Variants in ME1 observed in about 807,000 individuals in gnomAD.
The protein encoded by ME1 is NADP-dependent malic enzyme.
ME1 carries 74 observed loss-of-function variants against 66.4 expected under a neutral mutation model. The ratio of observed to expected loss-of-function variants is 1.11; its 90% CI spans 0.92 to 1.35. ME1 has a LOEUF of 1.35. ME1 is among the 40% of genes most tolerant of loss of function. The probability of loss-of-function intolerance (pLI) is 0.00; values close to 1 mark genes in which losing one functional copy is unlikely to be tolerated. For missense variants in ME1, 750 were observed against 694.1 expected (o/e 1.08, Z -0.90); for synonymous variants, 251 against 235.6 (o/e 1.07, Z -0.60).
At chr6:83,418,697 C>T (rs1241415464) in intron 1 of ME1, among the ~76,000 whole-genome samples, 1 of 152,164 alleles carries the variant, frequency 6.6e-6, no homozygotes, top group Non-Finnish European at 1.5e-5. Context: ...ACAGGAACTA[C>T]CCCAACGAAA....
At chr6:83,390,362 A>C (rs1220304603) in intron 3 of ME1, among the ~76,000 whole-genome samples, 1 of 152,166 alleles carries the variant, frequency 6.6e-6, no homozygotes, top group East Asian at 1.9e-4. Context: ...GAATGTCTTA[A>C]AATACCTGCT....
chr6:83,286,831 G>A (rs1240279785), intron 6 of ME1, among the ~76,000 whole-genome samples: 2 of 152,060 alleles, frequency 1.3e-5, no homozygotes, highest in African/African-American at 4.8e-5. Context: ...AGTACTCTAT[G>A]ACTATAAATA....
intron 3 of ME1, among the ~76,000 whole-genome samples, chr6:83,389,785 A>T (rs1769583965): frequency 6.6e-6 from 1 of 152,102 alleles, no homozygotes; most frequent in East Asian, 1.9e-4. Flanking sequence ...GCAAAAATAA[A>T]AAAAAAAATT....
chr6:83,414,126 A>T (rs945797407), intron 1 of ME1, among the ~76,000 whole-genome samples: 11 of 78,742 alleles, frequency 1.4e-4, no homozygotes, highest in African/African-American at 2.9e-4. Flanking sequence ...AAAAAAAAAA[A>T]AAAAACTAAA....
chr6:83,233,528 T>C (rs900412021), intron 9 of ME1, among the ~76,000 whole-genome samples: 1 of 151,992 alleles, frequency 6.6e-6, no homozygotes, highest in African/African-American at 2.4e-5. Context: ...ATGTTGAAAG[T>C]TGAAAGAGAA....
chr6:83,341,275 C>T (rs1252550918), intron 5 of ME1, among the ~76,000 whole-genome samples: 1 of 152,172 alleles, frequency 6.6e-6, no homozygotes, highest in Non-Finnish European at 1.5e-5. Context: ...ATTTGGGACT[C>T]TTCTAGACTC....
intron 11 of ME1, among the ~76,000 whole-genome samples, chr6:83,225,536 G>A (rs1400423755): frequency 6.6e-6 from 1 of 151,848 alleles, no homozygotes; most frequent in Non-Finnish European, 1.5e-5. Flanking sequence ...ATACCTTTTA[G>A]TTGTTCTTAA....
At chr6:83,326,498 T>C (rs1172704541) in intron 5 of ME1, among the ~76,000 whole-genome samples, 1 of 151,092 alleles carries the variant, frequency 6.6e-6, no homozygotes, top group Non-Finnish European at 1.5e-5. Context: ...CATCTGACAA[T>C]GGGCTAATAT....
At chr6:83,398,781 C>T (rs999654780) in intron 2 of ME1, among the ~76,000 whole-genome samples, 1 of 152,116 alleles carries the variant, frequency 6.6e-6, no homozygotes, top group African/African-American at 2.4e-5. Flanking sequence ...ACCAGCCTGG[C>T]CAACATGGTG....
At chr6:83,316,758 T>C (rs1768039678) in intron 5 of ME1, among the ~76,000 whole-genome samples, 1 of 152,036 alleles carries the variant, frequency 6.6e-6, no homozygotes, top group Non-Finnish European at 1.5e-5. Context: ...CACAAATCAA[T>C]TTTACCTCTA....
intron 3 of ME1, among the ~76,000 whole-genome samples, chr6:83,363,678 G>T (rs1044524018): frequency 1.2e-4 from 19 of 152,214 alleles, no homozygotes; most frequent in African/African-American, 4.6e-4. Flanking sequence ...ATGACCAGTT[G>T]CAGAAAGGAG....
At chr6:83,417,861 A>G (rs1770192495) in intron 1 of ME1, among the ~76,000 whole-genome samples, 1 of 152,238 alleles carries the variant, frequency 6.6e-6, no homozygotes, top group Admixed American at 6.5e-5. Context: ...ATATTTGTTA[A>G]TATTTTGATA....
At chr6:83,426,858 T>C (rs1427658481) in intron 1 of ME1, among the ~76,000 whole-genome samples, 1 of 152,218 alleles carries the variant, frequency 6.6e-6, no homozygotes, top group Admixed American at 6.5e-5. Flanking sequence ...ACTCTTAAGA[T>C]ATAGAAACCA....
intron 3 of ME1, among the ~76,000 whole-genome samples, chr6:83,363,258 A>C (rs1449386946): frequency 6.6e-6 from 1 of 152,180 alleles, no homozygotes; most frequent in Non-Finnish European, 1.5e-5. Context: ...GAGACACAAC[A>C]ACGATTCCAT....
chr6:83,333,527 T>C (rs562703169), intron 5 of ME1, among the ~76,000 whole-genome samples: 2 of 152,328 alleles, frequency 1.3e-5, no homozygotes, highest in East Asian at 3.9e-4. Flanking sequence ...ATTTTTCTAT[T>C]CTTCACACAC....
intron 5 of ME1, among the ~76,000 whole-genome samples, chr6:83,331,694 A>G (rs889887304): frequency 6.6e-6 from 1 of 152,036 alleles, no homozygotes; most frequent in Non-Finnish European, 1.5e-5. Flanking sequence ...GACACAAACC[A>G]CAGAAGAAAC....
intron 7 of ME1, among the ~76,000 whole-genome samples, chr6:83,247,588 G>T (rs560341250): frequency 5.9e-5 from 9 of 151,852 alleles, no homozygotes; most frequent in Non-Finnish European, 8.8e-5. Flanking sequence ...TTATTTACAT[G>T]GTAAGGCTGT....
At position 83,234,366 on chromosome 6, in the gene ME1, C is replaced by T. The variant is rs184201974; in HGVS notation, c.1026+3351G>A. On this transcript the variant is annotated intron_variant, in intron 9 of 13. Coordinates refer to ENST00000369705, the MANE Select transcript of ME1 (RefSeq NM_002395.6). ...CCCTATCTCCAACCCAGACACTTATCCTCTGTATCAGTCCCGTATCTCCAA... is the reference window on the plus strand; with the variant it reads ...CCCTATCTCCAACCCAGACACTTATTCTCTGTATCAGTCCCGTATCTCCAA... 3.3e-4 allele frequency among the ~76,000 whole-genome samples: 51 copies of T among 152,246 alleles called. No individual in the cohort carries two copies. The East Asian group carries it at 7.5e-3, about 22-fold the overall frequency.
At chr6:83,224,297 T>C (rs1330591394) in intron 11 of ME1, among the ~76,000 whole-genome samples, 2 of 152,196 alleles carry the variant, frequency 1.3e-5, no homozygotes, top group Non-Finnish European at 2.9e-5. Context: ...AATATTTAAG[T>C]ATTGAAAATA....
Sources: gnomAD v4.1 joint callset for allele counts (sites outside exome capture counted in the v4.1 genomes callset) on GRCh38, gnomAD v4.1.1 for gene constraint, MANE v1.5 for transcripts, NCBI Gene and HGNC (gene_info 2026-07-23, HGNC 2026-07-21) for gene names.